KCNQ5: variants seen among roughly 807,000 people sequenced by gnomAD.
KCNQ5 encodes potassium voltage-gated channel subfamily KQT member 5.
KCNQ5 carries 30 observed loss-of-function variants against 98.2 expected under a neutral mutation model. The observed-to-expected ratio is 0.31, with a 90% confidence interval of 0.23 to 0.41. The LOEUF (loss-of-function observed/expected upper bound fraction) is 0.41, where lower values mean the gene tolerates loss of function less well. KCNQ5 is among the 10% of genes least tolerant of loss of function. The pLI, the probability that KCNQ5 is intolerant of heterozygous loss-of-function variation, is 1.00. For missense variants in KCNQ5, 835 were observed against 1,182.5 expected (o/e 0.71, Z 4.31); for synonymous variants, 458 against 449.4 (o/e 1.02, Z -0.24).
chr6:73,147,830 A>G (rs1033765280), intron 10 of KCNQ5, among the ~76,000 whole-genome samples: 34 of 152,154 alleles, frequency 2.2e-4, no homozygotes, highest in African/African-American at 8.2e-4. Context: ...ACGGTATGAC[A>G]TTATTAAAAT....
chr6:72,911,429 T>G (rs573932721), intron 1 of KCNQ5, among the ~76,000 whole-genome samples: 1 of 152,236 alleles, frequency 6.6e-6, no homozygotes, highest in Admixed American at 6.5e-5. Flanking sequence ...ACCCCACCAT[T>G]CTGACACCCT....
chr6:72,967,252 C>T (rs952632691), intron 1 of KCNQ5, among the ~76,000 whole-genome samples: 1 of 152,100 alleles, frequency 6.6e-6, no homozygotes, highest in African/African-American at 2.4e-5. Flanking sequence ...AAATTTTAGT[C>T]AGCAAATTTT....
intron 1 of KCNQ5, among the ~76,000 whole-genome samples, chr6:72,878,156 G>C (rs1412270349): frequency 6.6e-6 from 1 of 152,192 alleles, no homozygotes; most frequent in African/African-American, 2.4e-5. Context: ...TGTAATCCCA[G>C]CTACTTGGGA....
chr6:72,627,523 T>A (rs1223531158), intron 1 of KCNQ5, among the ~76,000 whole-genome samples: 2 of 152,174 alleles, frequency 1.3e-5, no homozygotes, highest in Non-Finnish European at 2.9e-5. Flanking sequence ...AGGTAAGATT[T>A]CATTGGATTT....
intron 1 of KCNQ5, among the ~76,000 whole-genome samples, chr6:72,925,835 G>A (rs1446736181): frequency 6.6e-6 from 1 of 152,156 alleles, no homozygotes; most frequent in Non-Finnish European, 1.5e-5. Context: ...TGGGCAAAGG[G>A]CAGCTGCTGC....
intron 1 of KCNQ5, among the ~76,000 whole-genome samples, chr6:72,635,622 C>G (rs897044812): frequency 6.7e-6 from 1 of 149,852 alleles, no homozygotes; most frequent in Admixed American, 6.6e-5. Flanking sequence ...CTTACTTTCC[C>G]TTTCCCCTTG....
chr6:72,841,374 T>C lies in KCNQ5; in HGVS notation c.399-162534T>C, dbSNP rs527948366. Reference sequence around the variant, plus strand: ...ATTCTTCCAACTTGTTTTACTGCTGTAATTATGGACTTGTTCCTTTCCTTA... The same window carrying C: ...ATTCTTCCAACTTGTTTTACTGCTGCAATTATGGACTTGTTCCTTTCCTTA... On this transcript the variant is annotated intron_variant, in intron 1 of 13. Coordinates refer to ENST00000370398, the MANE Select transcript of KCNQ5 (RefSeq NM_019842.4). Among the ~76,000 whole-genome samples the C allele has an allele frequency of 3.9e-5, 6 of 152,332 alleles. No homozygotes were observed. The East Asian group carries it at 1.2e-3, about 29-fold the overall frequency.
At chr6:72,851,554 A>C (rs564279307) in intron 1 of KCNQ5, among the ~76,000 whole-genome samples, 1 of 152,214 alleles carries the variant, frequency 6.6e-6, no homozygotes, top group South Asian at 2.1e-4. Context: ...GCAATTTACC[A>C]AAAAGATCAT....
At chr6:72,926,983 G>C (rs1765456801) in intron 1 of KCNQ5, among the ~76,000 whole-genome samples, 1 of 152,032 alleles carries the variant, frequency 6.6e-6, no homozygotes, top group South Asian at 2.1e-4. Context: ...CATTACCATG[G>C]TGACTTCTCT....
chr6:72,636,972 TC>T (rs2098924496), intron 1 of KCNQ5, among the ~76,000 whole-genome samples: 1 of 152,186 alleles, frequency 6.6e-6, no homozygotes, highest in Admixed American at 6.5e-5. Flanking sequence ...ACTTTGGAGC[TC>T]GGCGTTCAGC....
intron 2 of KCNQ5, among the ~76,000 whole-genome samples, chr6:73,034,812 A>C (rs1180558578): frequency 6.6e-6 from 1 of 151,426 alleles, no homozygotes; most frequent in Non-Finnish European, 1.5e-5. Flanking sequence ...GATAAAATTC[A>C]AGACTAGCTC....
At chr6:72,764,726 T>C (rs1482014901) in intron 1 of KCNQ5, among the ~76,000 whole-genome samples, 1 of 151,960 alleles carries the variant, frequency 6.6e-6, no homozygotes, top group African/African-American at 2.4e-5. Flanking sequence ...CTATTTTTTG[T>C]ACCCATTAAC....
intron 1 of KCNQ5, among the ~76,000 whole-genome samples, chr6:72,646,713 TCATTTGCC>T (rs1322560789): frequency 2.0e-5 from 3 of 152,216 alleles, no homozygotes; most frequent in Admixed American, 1.3e-4. Context: ...TGGTTTAATG[TCATTTGCC>T]CATAAGCATA....
chr6:73,096,835 A>T lies in KCNQ5; in HGVS notation c.919-8422A>T, dbSNP rs142198455. 9.8e-3 allele frequency among the ~76,000 whole-genome samples: 1,488 copies of T among 152,126 alleles called. 29 individuals carry two copies. The highest frequency in any genetic ancestry group is 0.034 in the African/African-American group (1,423 of 41,496). On this transcript the variant is annotated intron_variant, in intron 5 of 13. Coordinates refer to ENST00000370398, the MANE Select transcript of KCNQ5 (RefSeq NM_019842.4). ...AGGCAGGGGGATCATTTGAAGTCAA[A>T]AGTTCAAGACCAGCCTGGCCAACAT...
intron 1 of KCNQ5, among the ~76,000 whole-genome samples, chr6:72,651,947 C>G (rs2154472430): frequency 6.6e-6 from 1 of 152,056 alleles, no homozygotes; most frequent in Non-Finnish European, 1.5e-5. Flanking sequence ...TTGTAAAACT[C>G]AGATTATATT....
At chr6:73,028,999 A>G (rs898955658) in intron 2 of KCNQ5, among the ~76,000 whole-genome samples, 1 of 152,162 alleles carries the variant, frequency 6.6e-6, no homozygotes. Context: ...ATGGCAATTC[A>G]TCCTGCTGTG....
At chr6:72,876,765 A>G (rs1322403217) in intron 1 of KCNQ5, among the ~76,000 whole-genome samples, 1 of 152,238 alleles carries the variant, frequency 6.6e-6, no homozygotes, top group East Asian at 1.9e-4. Flanking sequence ...TGTTTATCAC[A>G]GAAGCAAAAT....
At chr6:73,132,934 C>T (rs1776292947) in intron 9 of KCNQ5, among the ~76,000 whole-genome samples, 1 of 152,192 alleles carries the variant, frequency 6.6e-6, no homozygotes, top group Non-Finnish European at 1.5e-5. Context: ...TTATGGATAA[C>T]ATAATCTTGC....
intron 1 of KCNQ5, among the ~76,000 whole-genome samples, chr6:72,957,732 A>C (rs1048656615): frequency 6.6e-6 from 1 of 152,144 alleles, no homozygotes; most frequent in Admixed American, 6.5e-5. Flanking sequence ...AGGAAAGTTC[A>C]TTCTTATGTC....
Sources: allele counts gnomAD v4.1 joint callset (sites outside exome capture counted in the v4.1 genomes callset), GRCh38; gene constraint gnomAD v4.1.1; transcripts MANE v1.5; gene names NCBI Gene and HGNC (gene_info 2026-07-23, HGNC 2026-07-21).